The following CDH17 variants were observed in gnomAD, a reference collection of about 807,000 sequenced individuals.
The protein encoded by CDH17 is cadherin 17.
CDH17 carries 67 observed loss-of-function variants against 86.3 expected under a neutral mutation model. The observed-to-expected ratio is 0.78, with a 90% confidence interval of 0.64 to 0.95. The LOEUF is 0.95. Ranked by LOEUF, CDH17 falls within the 40% of genes least tolerant of loss-of-function variation. The pLI is 0.00. For synonymous variants in CDH17, 367 were observed against 366.4 expected, an observed-to-expected ratio of 1.00 and a Z score of -0.02; for missense variants, 993 against 1,017.6, an observed-to-expected ratio of 0.98 and a Z score of 0.33.
At chr8:94,203,407 A>C (rs1813959782) in intron 1 of CDH17, among the ~76,000 whole-genome samples, 1 of 152,186 alleles carries the variant, frequency 6.6e-6, no homozygotes, top group Non-Finnish European at 1.5e-5. Context: ...GGAATTCATA[A>C]CACCACCAGG....
At chr8:94,152,712 TCTGA>T (rs1812879352) in intron 12 of CDH17, among the ~76,000 whole-genome samples, 1 of 152,184 alleles carries the variant, frequency 6.6e-6, no homozygotes, top group Non-Finnish European at 1.5e-5. Flanking sequence ...TAGAAGTTTA[TCTGA>T]CTCTCAGTTC....
chr8:94,177,851 A>T (rs2130647274), intron 3 of CDH17, 130 bp from the exon 4 acceptor site: 1 of 812,822 alleles, frequency 1.2e-6, no homozygotes, highest in Non-Finnish European at 1.9e-6. Context: ...TCAACTTTTA[A>T]AGTGGTACCT....
At chr8:94,161,917 T>A (rs1009094966) in intron 11 of CDH17, among the ~76,000 whole-genome samples, 169 bp downstream of exon 11, 4 of 152,340 alleles carry the variant, frequency 2.6e-5, no homozygotes, top group Non-Finnish European at 4.4e-5. Flanking sequence ...AATGTTATTG[T>A]TCCCCAAAAA....
chr8:94,128,405 T>C, intron 17 of CDH17, 65 bp from the exon 18 acceptor site: 1 of 997,718 alleles, frequency 1.0e-6, no homozygotes, highest in Admixed American at 2.1e-5. Context: ...CATTCAGTTA[T>C]AAAGTAGTAT....
chr8:94,187,209 G>A (rs1027712264), intron 3 of CDH17, among the ~76,000 whole-genome samples: 1 of 152,166 alleles, frequency 6.6e-6, no homozygotes, highest in East Asian at 1.9e-4. Context: ...AAAACACATT[G>A]TACACAATAT....
At position 94,147,235 on chromosome 8, in the gene CDH17, C is replaced by T. The variant is rs564980139; in HGVS notation, c.1928-1068G>A. Among the ~76,000 whole-genome samples, 13 of 152,222 alleles carry T rather than the reference C, an allele frequency of 8.5e-5. No homozygotes were observed. In the South Asian group the frequency reaches 2.7e-3, roughly 32 times the overall value. Reference sequence around the variant, plus strand: ...GCTGCTTCACTGGGAGGTTTTAAATCAAGAGTTAAATGTATACAATGTGAT... The same window carrying T: ...GCTGCTTCACTGGGAGGTTTTAAATTAAGAGTTAAATGTATACAATGTGAT... On this transcript the variant is annotated intron_variant, in intron 14 of 17. Transcript: ENST00000027335.
chr8:94,196,102 C>T lies in CDH17; in HGVS notation c.-20-1397G>A, dbSNP rs1319556860. On this transcript the variant is annotated intron_variant, in intron 1 of 17. Coordinates refer to ENST00000027335, the MANE Select transcript of CDH17 (RefSeq NM_004063.4). ...TCAATGTATTTATTTCACGAAAATT[C>T]CAATCACTTTATTATCTCTAGAGAT... Among the ~76,000 whole-genome samples the T allele has an allele frequency of 1.3e-5, 2 of 152,206 alleles. 1 individual carries two copies. The highest frequency in any genetic ancestry group is 3.9e-4 in the East Asian group (2 of 5,168).
chr8:94,199,038 G>GATATATAT (rs869128612), intron 1 of CDH17, among the ~76,000 whole-genome samples: 17 of 73,356 alleles, frequency 2.3e-4, no homozygotes, highest in African/African-American at 8.1e-4. Flanking sequence ...AGTTCTGATT[G>GATATATAT]ATATATATAT....
chr8:94,129,398 G>T (rs1812366612), intron 17 of CDH17, among the ~76,000 whole-genome samples: 1 of 152,096 alleles, frequency 6.6e-6, no homozygotes. Flanking sequence ...AAGTGGCCAT[G>T]ACATGAAGGC....
At position 94,141,310 on chromosome 8, in the gene CDH17, T is replaced by C. The variant is rs950390382; in HGVS notation, c.2167+4618A>G. Among the ~76,000 whole-genome samples, 40 of 149,294 alleles carry C rather than the reference T, an allele frequency of 2.7e-4. 1 individual carries two copies. On this transcript the variant is annotated intron_variant, in intron 15 of 17. Transcript: ENST00000027335. ...TCACAAATAGGAATAAAAGGCAAAG[T>C]CCTAAATCTAATAAAGACGACCTAC...
intron 2 of CDH17, among the ~76,000 whole-genome samples, chr8:94,194,314 T>A (rs1421030756): frequency 3.3e-5 from 5 of 152,242 alleles, no homozygotes; most frequent in Non-Finnish European, 1.5e-5. Context: ...GGACACAGAC[T>A]AATTCATGTA....
chr8:94,170,288 G>T (rs139527489), intron 9 of CDH17, 109 bp downstream of exon 9: 500 of 1,135,100 alleles, frequency 4.4e-4, no homozygotes, highest in Non-Finnish European at 6.0e-4. Context: ...TCTATGCTGT[G>T]GAAGACATGG....
intron 1 of CDH17, among the ~76,000 whole-genome samples, chr8:94,207,325 A>G (rs750763871): frequency 7.2e-5 from 11 of 152,154 alleles, no homozygotes; most frequent in Non-Finnish European, 1.3e-4. Context: ...GCTAACATTC[A>G]CTGGATGTGT....
At chr8:94,153,358 A>AAAAC (rs1266007644) in intron 12 of CDH17, among the ~76,000 whole-genome samples, 3 of 152,250 alleles carry the variant, frequency 2.0e-5, no homozygotes, top group African/African-American at 7.2e-5. Flanking sequence ...AAAAAGACAA[A>AAAAC]AAACAAACAT....
intron 1 of CDH17, among the ~76,000 whole-genome samples, chr8:94,197,831 A>T (rs1438345442): frequency 2.5e-5 from 1 of 39,926 alleles, no homozygotes; most frequent in Middle Eastern, 0.014. Flanking sequence ...ACTCTGTCTA[A>T]AAAAAAAAAA....
upstream of CDH17, among the ~76,000 whole-genome samples, chr8:94,212,165 T>C (rs1209682175): frequency 1.3e-5 from 2 of 152,244 alleles, no homozygotes; most frequent in East Asian, 1.9e-4. Context: ...TCTTACTTTT[T>C]TGGAGACAGG....
intron 7 of CDH17, 53 bp from the exon 8 acceptor site, chr8:94,171,038 TGGAAA>T (rs1416685562): frequency 2.6e-6 from 4 of 1,540,242 alleles, no homozygotes. Flanking sequence ...CTGAGAGAAC[TGGAAA>T]GGAAATAATT....
chr8:94,165,923 T>C lies in CDH17; in HGVS notation c.1120A>G (p.Asn374Asp). The part of the protein sequence containing the change: ...AHDRDEENTA[N>D]SFLNYRIVEQ... The stretch of plus-strand genomic sequence containing the variant: ...ACAATCCTGTAGTTTAGAAAACTGT[T>C]GGCAGTATTTTCTTCATCCCTGTCA... Residue 374 changes from asparagine to aspartate, a missense_variant, in exon 10 of 18, where the codon AAC (asparagine) becomes GAC (aspartate). Asn to Asp is a conservative substitution (Grantham distance 23). Transcript: ENST00000027335. 6.2e-7 allele frequency: 1 copy of C among 1,613,964 alleles called. No individual in the cohort carries two copies. The highest frequency in any genetic ancestry group is 8.5e-7 in the Non-Finnish European group (1 of 1,179,916).
chr8:94,209,711 G>A (rs1366574422), upstream of CDH17, among the ~76,000 whole-genome samples: 3 of 152,116 alleles, frequency 2.0e-5, no homozygotes, highest in African/African-American at 7.2e-5. Context: ...TGAGGTTATT[G>A]AGGCTAAGCA....
Sources: gnomAD v4.1 joint callset for allele counts (sites outside exome capture counted in the v4.1 genomes callset) on GRCh38, gnomAD v4.1.1 for gene constraint, MANE v1.5 for transcripts, NCBI Gene and HGNC (gene_info 2026-07-23, HGNC 2026-07-21) for gene names.